The following STARD13 variants were observed in gnomAD, a reference collection of about 807,000 sequenced individuals.
STARD13 encodes the protein StAR related lipid transfer domain containing 13.
Under a neutral mutation model 106.4 loss-of-function variants are expected in STARD13, and 62 were observed. The observed-to-expected ratio is 0.58, with a 90% CI of 0.48 to 0.72. STARD13 has a LOEUF of 0.72. Ranked by LOEUF, STARD13 falls within the 30% of genes least tolerant of loss-of-function variation. The pLI is 0.00. For missense variants in STARD13, 1,387 were observed against 1,424.0 expected (o/e 0.97, Z 0.42); for synonymous variants, 565 against 553.0 (o/e 1.02, Z -0.31).
chr13:33,648,940 G>T, the STARD13 span, among the ~76,000 whole-genome samples: 2 of 151,664 alleles, frequency 1.3e-5, 1 homozygote, highest in African/African-American at 4.8e-5. Context: ...TTACAGGCAT[G>T]CATCACCATG....
At chr13:33,503,925 C>A in the STARD13 span, among the ~76,000 whole-genome samples, 545 of 152,104 alleles carry the variant, frequency 3.6e-3, 2 homozygotes, top group African/African-American at 0.013. Flanking sequence ...TCAAACAATC[C>A]CATCAAAAAG....
At chr13:33,162,844 CTT>C (rs1230140784) in intron 3 of STARD13, among the ~76,000 whole-genome samples, 24 of 152,104 alleles carry the variant, frequency 1.6e-4, no homozygotes, top group Non-Finnish European at 3.4e-4. Flanking sequence ...CTTCCACACT[CTT>C]TCAACTTCTG....
the STARD13 span, among the ~76,000 whole-genome samples, chr13:33,380,950 G>A: frequency 6.6e-5 from 10 of 152,118 alleles, no homozygotes; most frequent in African/African-American, 2.2e-4. Context: ...GACAGTGAAT[G>A]GTCTTACAGG....
chr13:33,513,702 G>A, the STARD13 span, among the ~76,000 whole-genome samples: 16 of 151,884 alleles, frequency 1.1e-4, no homozygotes, highest in Admixed American at 1.3e-4. Flanking sequence ...ATGCCATTAT[G>A]TATTTATGAG....
chr13:33,425,267 T>G, the STARD13 span, among the ~76,000 whole-genome samples: 9 of 152,196 alleles, frequency 5.9e-5, no homozygotes, highest in Non-Finnish European at 1.2e-4. Flanking sequence ...CCAACAAGCA[T>G]AGTGTCCAGC....
At chr13:33,437,741 T>C in the STARD13 span, among the ~76,000 whole-genome samples, 1 of 152,264 alleles carries the variant, frequency 6.6e-6, no homozygotes, top group Non-Finnish European at 1.5e-5. Flanking sequence ...TTGATTTACA[T>C]GTTCAGAAAA....
intron 1 of STARD13, among the ~76,000 whole-genome samples, chr13:33,349,765 G>A (rs1011833924): frequency 6.6e-6 from 1 of 152,210 alleles, no homozygotes; most frequent in African/African-American, 2.4e-5. Context: ...CCGTCCACCT[G>A]TCTCCCGTCA....
chr13:33,142,154 G>A lies in STARD13; in HGVS notation c.387+156C>T, dbSNP rs148880828. ...AGCAATGCCCCCAACTCAGCCTCTCGATAGCTGGGACTACAGGCACAAGCC... is the reference window on the plus strand; with the variant it reads ...AGCAATGCCCCCAACTCAGCCTCTCAATAGCTGGGACTACAGGCACAAGCC... On this transcript the variant is annotated intron_variant, in intron 4 of 13. Coordinates refer to ENST00000336934, the MANE Select transcript of STARD13 (RefSeq NM_178006.4). 3.9e-4 allele frequency among the ~76,000 whole-genome samples: 60 copies of A among 152,248 alleles called. No individual in the cohort carries two copies. The East Asian group carries it at 5.0e-3, about 13-fold the overall frequency.
the STARD13 span, among the ~76,000 whole-genome samples, chr13:33,617,848 T>C: frequency 3.3e-5 from 5 of 152,186 alleles, no homozygotes; most frequent in African/African-American, 7.2e-5. Context: ...AGACGATGCA[T>C]ATGTAAACAT....
intron 1 of STARD13, among the ~76,000 whole-genome samples, chr13:33,188,784 C>A (rs1221189021): frequency 6.6e-6 from 1 of 152,174 alleles, no homozygotes; most frequent in African/African-American, 2.4e-5. Flanking sequence ...CAGGTACTGA[C>A]CAGATGGGTA....
At chr13:33,352,509 A>G (rs1001198041), upstream of STARD13, among the ~76,000 whole-genome samples, 1 of 152,194 alleles carries the variant, frequency 6.6e-6, no homozygotes, top group African/African-American at 2.4e-5. Flanking sequence ...CACATATTTT[A>G]TATTCAGATG....
At chr13:33,230,144 T>C (rs1271963847) in intron 1 of STARD13, among the ~76,000 whole-genome samples, 6 of 152,210 alleles carry the variant, frequency 3.9e-5, no homozygotes. Context: ...TAGCCATCGT[T>C]CTCCAGTGAA....
chr13:33,261,349 G>A (rs1890630604), intron 1 of STARD13, among the ~76,000 whole-genome samples: 1 of 152,150 alleles, frequency 6.6e-6, no homozygotes, highest in African/African-American at 2.4e-5. Context: ...TGTCGATAGT[G>A]GGGAGATTGA....
intron 1 of STARD13, among the ~76,000 whole-genome samples, chr13:33,254,790 G>C (rs998662595): frequency 6.6e-6 from 1 of 152,174 alleles, no homozygotes; most frequent in Non-Finnish European, 1.5e-5. Context: ...GGACGGCCAG[G>C]CTTCAAGGGA....
chr13:33,437,737 T>G, the STARD13 span, among the ~76,000 whole-genome samples: 1 of 152,244 alleles, frequency 6.6e-6, no homozygotes, highest in Non-Finnish European at 1.5e-5. Context: ...TCCTTTGATT[T>G]ACATGTTCAG....
chr13:33,464,483 G>C, the STARD13 span, among the ~76,000 whole-genome samples: 2 of 152,166 alleles, frequency 1.3e-5, no homozygotes, highest in Admixed American at 6.5e-5. Flanking sequence ...AGCCACCATT[G>C]AAAGAGTGGA....
At chr13:33,640,950 G>A in the STARD13 span, among the ~76,000 whole-genome samples, 1 of 152,240 alleles carries the variant, frequency 6.6e-6, no homozygotes, top group Non-Finnish European at 1.5e-5. Flanking sequence ...TATTTAATGT[G>A]TATACACAGG....
intron 1 of STARD13, among the ~76,000 whole-genome samples, chr13:33,271,131 C>T (rs1891139577): frequency 6.6e-6 from 1 of 152,204 alleles, no homozygotes; most frequent in Admixed American, 6.5e-5. Flanking sequence ...TCACTAGCTA[C>T]AAGTGCAGAA....
At chr13:33,370,879 C>G in the STARD13 span, among the ~76,000 whole-genome samples, 1 of 151,988 alleles carries the variant, frequency 6.6e-6, no homozygotes, top group Non-Finnish European at 1.5e-5. Context: ...CCTCGGCCTC[C>G]CAAAGTGCTG....
Sources: allele counts gnomAD v4.1 joint callset (sites outside exome capture counted in the v4.1 genomes callset), GRCh38; gene constraint gnomAD v4.1.1; transcripts MANE v1.5; gene names NCBI Gene and HGNC (gene_info 2026-07-23, HGNC 2026-07-21).